PGBD2: variants seen among roughly 807,000 people sequenced by gnomAD.
PGBD2 encodes the protein piggyBac transposable element-derived protein 2.
A neutral mutation model predicts 8.1 loss-of-function variants in PGBD2; 6 were observed. The observed-to-expected ratio is 0.74, with a 90% CI of 0.40 to 1.46. PGBD2 has a LOEUF of 1.46. Ranked by LOEUF, PGBD2 falls within the 40% of genes most tolerant of loss-of-function variation. The probability of loss-of-function intolerance (pLI) is 0.02; values close to 1 mark genes in which losing one functional copy is unlikely to be tolerated. For missense variants in PGBD2, 802 were observed against 739.0 expected (o/e 1.09, Z -0.99); for synonymous variants, 318 against 272.2 (o/e 1.17, Z -1.66).
chr1:248,917,646 C>T lies in PGBD2; in HGVS notation c.1062C>T (p.Phe354=), dbSNP rs1302608991. Residue 354 remains phenylalanine, a synonymous_variant, in exon 3 of 3, where the codon TTC becomes TTT. Transcript: ENST00000329291. ...LPYHIFFDKV[F]TSVKLMSILR... is the part of the protein sequence containing the mutation. ...ATCACATATTTTTTGACAAGGTTTTCACAAGTGTTAAACTGATGTCCATTT... is the reference window on the plus strand; with the variant it reads ...ATCACATATTTTTTGACAAGGTTTTTACAAGTGTTAAACTGATGTCCATTT... 2 of 1,614,164 alleles carry T rather than the reference C, an allele frequency of 1.2e-6. No homozygotes were observed. The highest frequency in any genetic ancestry group is 1.7e-6 in the Non-Finnish European group (2 of 1,180,038).
the PGBD2 span, among the ~76,000 whole-genome samples, chr1:248,882,141 A>C: frequency 6.6e-6 from 1 of 152,128 alleles, no homozygotes; most frequent in African/African-American, 2.4e-5. Flanking sequence ...ATAGACACAC[A>C]CAAGATAGTG....
At chr1:248,889,109 G>A in the PGBD2 span, among the ~76,000 whole-genome samples, 111 of 152,240 alleles carry the variant, frequency 7.3e-4, no homozygotes, top group South Asian at 2.5e-3. Flanking sequence ...TACATGGGCC[G>A]GTAACTGTGG....
the PGBD2 span, among the ~76,000 whole-genome samples, chr1:248,874,941 GA>G: frequency 3.3e-5 from 5 of 150,880 alleles, no homozygotes; most frequent in African/African-American, 1.2e-4. Flanking sequence ...TAGATAGATA[GA>G]TAGATAGATA....
chr1:248,881,376 T>C, the PGBD2 span, among the ~76,000 whole-genome samples: 6 of 152,330 alleles, frequency 3.9e-5, no homozygotes, highest in African/African-American at 1.4e-4. Context: ...GTTATAGATG[T>C]ATATTTTGAT....
Position 248,917,766 on chromosome 1 carries a change from GA to G in PGBD2, c.1183del (p.Arg395GlyfsTer34). On this transcript the variant is annotated frameshift_variant, in exon 3 of 3. Transcript: ENST00000329291. LOFTEE classifies it low-confidence loss of function (END_TRUNC). Reference sequence around the variant, plus strand: ...ACCCCAAAGAACTGAAAAAAATGAAGAGGGGTTCATTTGATTACAAAGTCGA... The same window carrying G: ...ACCCCAAAGAACTGAAAAAAATGAAGGGGGTTCATTTGATTACAAAGTCGA... ...KDPKELKKMK[R>X]GSFDYKVDES... 1 of 1,614,218 alleles carries G rather than the reference GA, an allele frequency of 6.2e-7. No individual in the cohort carries two copies. The highest frequency in any genetic ancestry group is 8.5e-7 in the Non-Finnish European group (1 of 1,180,012).
At chr1:248,878,901 T>A in the PGBD2 span, among the ~76,000 whole-genome samples, 1 of 152,346 alleles carries the variant, frequency 6.6e-6, no homozygotes, top group South Asian at 2.1e-4. Context: ...TTTTTGTTGG[T>A]TGGAGTGATT....
the PGBD2 span, among the ~76,000 whole-genome samples, chr1:248,887,769 G>A: frequency 6.6e-6 from 1 of 152,088 alleles, no homozygotes; most frequent in Non-Finnish European, 1.5e-5. Flanking sequence ...TACGTTCAAT[G>A]GCAAAAACCA....
At chr1:248,878,648 C>T in the PGBD2 span, among the ~76,000 whole-genome samples, 3 of 152,300 alleles carry the variant, frequency 2.0e-5, no homozygotes, top group African/African-American at 2.4e-5. Context: ...TTAATCTCTC[C>T]TTATATTCTG....
rs752962202 is a variant in PGBD2 at position 248,917,281 on chromosome 1, A to G, written c.697A>G (p.Asn233Asp). ...LIFSYLHFAD[N>D]NELDASDRFA... ...CTTCTCATACTTACATTTTGCAGAT[A>G]ACAACGAACTTGATGCAAGTGATAG... The change falls in exon 3 of 3, where the codon AAC becomes GAC. Residue 233 changes from asparagine to aspartate, a missense_variant. By Grantham distance (23) the Asn-to-Asp change is conservative (BLOSUM62 1). Coordinates refer to ENST00000329291, the MANE Select transcript of PGBD2 (RefSeq NM_170725.3). 37 of 1,614,066 alleles carry G rather than the reference A, an allele frequency of 2.3e-5. No individual in the cohort carries two copies. The highest frequency in any genetic ancestry group is 3.1e-5 in the Non-Finnish European group (37 of 1,180,036).
rs140556568 is a variant in PGBD2 at position 248,916,743 on chromosome 1, A to G, written c.159A>G (p.Glu53=). Residue 53 remains glutamate (E), a synonymous_variant, in exon 3 of 3, where the codon GAA becomes GAG. Coordinates refer to ENST00000329291, the MANE Select transcript of PGBD2 (RefSeq NM_170725.3). ...FIAPPDNAAG[E]FTDEDSGDED... is the part of the protein sequence containing the mutation. ...CACCTCCCGACAATGCTGCGGGGGAATTCACTGATGAGGACTCAGGGGATG... is the reference window on the plus strand; with the variant it reads ...CACCTCCCGACAATGCTGCGGGGGAGTTCACTGATGAGGACTCAGGGGATG... 8.8e-5 allele frequency: 142 copies of G among 1,614,170 alleles called. 1 individual carries two copies. The East Asian group carries it at 3.1e-3, about 35-fold the overall frequency.
At chr1:248,880,896 G>A in the PGBD2 span, among the ~76,000 whole-genome samples, 2 of 151,856 alleles carry the variant, frequency 1.3e-5, no homozygotes, top group Non-Finnish European at 1.5e-5. Flanking sequence ...TTATTAATTG[G>A]GATTTTTTCC....
the PGBD2 span, among the ~76,000 whole-genome samples, chr1:248,882,511 A>G: frequency 6.6e-6 from 1 of 152,352 alleles, no homozygotes; most frequent in African/African-American, 2.4e-5. Context: ...GAAACAGGAC[A>G]TGAAGCTAGA....
At chr1:248,908,572 CT>C (rs1661745441) in intron 1 of PGBD2, among the ~76,000 whole-genome samples, 2 of 152,168 alleles carry the variant, frequency 1.3e-5, no homozygotes, top group African/African-American at 2.4e-5. Context: ...TTGCCGTAGC[CT>C]TTTTGTCCAT....
the PGBD2 span, among the ~76,000 whole-genome samples, chr1:248,883,547 C>T: frequency 2.9e-3 from 430 of 146,974 alleles, 4 homozygotes; most frequent in African/African-American, 0.01. Flanking sequence ...TTCTCCCAGC[C>T]TGTCTGTTCA....
chr1:248,925,284 C>CA, the PGBD2 span, among the ~76,000 whole-genome samples: 38 of 152,352 alleles, frequency 2.5e-4, no homozygotes, highest in Non-Finnish European at 5.0e-4. Context: ...CGAGGTGTCT[C>CA]AGAGAGCTCA....
At chr1:248,913,581 C>A (rs752211891) in intron 1 of PGBD2, among the ~76,000 whole-genome samples, 4 of 152,158 alleles carry the variant, frequency 2.6e-5, no homozygotes, top group African/African-American at 4.8e-5. Context: ...CCCCGCCACC[C>A]CACAAGGGAA....
chr1:248,882,382 G>A, the PGBD2 span, among the ~76,000 whole-genome samples: 6 of 152,180 alleles, frequency 3.9e-5, no homozygotes, highest in African/African-American at 9.7e-5. Flanking sequence ...TATAGTGTGT[G>A]CATCAGTAAT....
intron 2 of PGBD2, chr1:248,914,450 G>GT: frequency 7.8e-7 from 1 of 1,283,252 alleles, no homozygotes; most frequent in Non-Finnish European, 1.0e-6. Context: ...GCTTGGATGA[G>GT]TGAATACCTC....
At chr1:248,911,757 C>G (rs1197169035) in intron 1 of PGBD2, among the ~76,000 whole-genome samples, 1 of 151,004 alleles carries the variant, frequency 6.6e-6, no homozygotes, top group Non-Finnish European at 1.5e-5. Flanking sequence ...GCTGACCCCC[C>G]CACCTCCCTC....
Sources: gnomAD v4.1 joint callset for allele counts (sites outside exome capture counted in the v4.1 genomes callset) on GRCh38, gnomAD v4.1.1 for gene constraint, MANE v1.5 for transcripts, NCBI Gene and HGNC (gene_info 2026-07-23, HGNC 2026-07-21) for gene names.